ERBB4: variants seen among roughly 807,000 people sequenced by gnomAD.
The protein encoded by ERBB4 is erb-b2 receptor tyrosine kinase 4, also known as receptor tyrosine-protein kinase erbB-4.
In ERBB4, 42 loss-of-function variants were observed where a neutral mutation model predicts 158.0. The observed-to-expected ratio is 0.27, with a 90% confidence interval of 0.21 to 0.34. The LOEUF is 0.34. Among genes scored for constraint, ERBB4 ranks in the 10% least tolerant of loss-of-function variants. ERBB4 has a pLI of 1.00. For missense variants in ERBB4, 1,333 were observed against 1,624.1 expected, an observed-to-expected ratio of 0.82 and a Z score of 3.08; for synonymous variants, 583 against 558.7, an observed-to-expected ratio of 1.04 and a Z score of -0.61.
chr2:211,937,656 G>T (rs2125112994), intron 3 of ERBB4, among the ~76,000 whole-genome samples: 1 of 152,196 alleles, frequency 6.6e-6, no homozygotes, highest in East Asian at 1.9e-4. Context: ...GAAGGAGAAT[G>T]AATGAGTGCC....
chr2:211,904,212 C>A (rs78889429), intron 3 of ERBB4, among the ~76,000 whole-genome samples: 1 of 152,104 alleles, frequency 6.6e-6, no homozygotes, highest in Admixed American at 6.6e-5. Context: ...CACACATTCA[C>A]ACATAAACAT....
intron 2 of ERBB4, among the ~76,000 whole-genome samples, chr2:211,984,380 AAG>A (rs576497249): frequency 2.0e-5 from 3 of 152,216 alleles, no homozygotes; most frequent in African/African-American, 4.8e-5. Context: ...AAAATGAAAA[AAG>A]TATCTTTATA....
intron 2 of ERBB4, among the ~76,000 whole-genome samples, chr2:211,949,496 ATAAAT>A (rs765179795): frequency 1.3e-5 from 2 of 152,202 alleles, no homozygotes; most frequent in South Asian, 4.1e-4. Flanking sequence ...AACATTTGAG[ATAAAT>A]TAAGTTAAAT....
chr2:211,837,712 A>G (rs2077372499), intron 3 of ERBB4, among the ~76,000 whole-genome samples: 1 of 152,084 alleles, frequency 6.6e-6, no homozygotes, highest in African/African-American at 2.4e-5. Context: ...TTGTGTGTGA[A>G]TAAAAAATAC....
chr2:211,940,486 T>C (rs1482310500), intron 3 of ERBB4, among the ~76,000 whole-genome samples: 3 of 152,066 alleles, frequency 2.0e-5, no homozygotes, highest in African/African-American at 7.3e-5. Flanking sequence ...TACTGTATCT[T>C]AAGAAAAAGT....
At chr2:212,508,061 A>G (rs529878240) in intron 1 of ERBB4, among the ~76,000 whole-genome samples, 14 of 152,196 alleles carry the variant, frequency 9.2e-5, no homozygotes, top group Admixed American at 4.6e-4. Context: ...TCAACAGCCA[A>G]GCAAGACCCT....
chr2:211,703,177 T>G (rs1011057367), intron 11 of ERBB4, among the ~76,000 whole-genome samples: 1 of 152,022 alleles, frequency 6.6e-6, no homozygotes, highest in Non-Finnish European at 1.5e-5. Flanking sequence ...ATGTAACTCT[T>G]TCTCTCAAAT....
intron 1 of ERBB4, among the ~76,000 whole-genome samples, chr2:212,467,035 T>G (rs1482859376): frequency 6.6e-6 from 1 of 152,160 alleles, no homozygotes; most frequent in Non-Finnish European, 1.5e-5. Flanking sequence ...TTGTGGAACT[T>G]TGAACTTGAG....
chr2:211,984,978 C>G (rs1484207529), intron 2 of ERBB4, among the ~76,000 whole-genome samples: 1 of 152,066 alleles, frequency 6.6e-6, no homozygotes, highest in African/African-American at 2.4e-5. Context: ...GTGATCCACC[C>G]ACCTCGGCCC....
At chr2:211,951,601 T>C (rs2080877911) in intron 2 of ERBB4, among the ~76,000 whole-genome samples, 1 of 152,134 alleles carries the variant, frequency 6.6e-6, no homozygotes, top group Non-Finnish European at 1.5e-5. Context: ...CATTTCAGGG[T>C]GTGTATTACA....
intron 1 of ERBB4, among the ~76,000 whole-genome samples, chr2:212,129,232 A>G (rs1005191063): frequency 6.6e-6 from 1 of 151,620 alleles, no homozygotes; most frequent in African/African-American, 2.4e-5. Flanking sequence ...TCATACTTTA[A>G]TATTAATATA....
intron 3 of ERBB4, among the ~76,000 whole-genome samples, chr2:211,794,482 C>G (rs1339138838): frequency 6.6e-6 from 1 of 151,844 alleles, no homozygotes; most frequent in Non-Finnish European, 1.5e-5. Flanking sequence ...AAGTGTCAAG[C>G]ACATAGTAGA....
At position 212,124,966 on chromosome 2, in the gene ERBB4, T is replaced by C. The variant is rs529632057; in HGVS notation, c.83-63A>G. 1.0e-5 allele frequency: 16 copies of C among 1,569,286 alleles called. No homozygotes were observed. In the East Asian group the frequency reaches 2.7e-4, roughly 26 times the overall value. On this transcript the variant is annotated intron_variant, in intron 1 of 27. Coordinates refer to ENST00000342788, the MANE Select transcript of ERBB4 (RefSeq NM_005235.3). ...CTTTATATGATATGCGCAATGATAA[T>C]ATCTTTCTCAAAACTCTCTATTCCA... is the stretch of plus-strand genomic sequence containing the variant.
chr2:212,237,935 G>A (rs2083939872), intron 1 of ERBB4, among the ~76,000 whole-genome samples: 1 of 152,148 alleles, frequency 6.6e-6, no homozygotes, highest in African/African-American at 2.4e-5. Flanking sequence ...CCCCAACAAA[G>A]CTCAAGTGTC....
At chr2:212,292,432 T>C (rs2086240750) in intron 1 of ERBB4, among the ~76,000 whole-genome samples, 1 of 152,156 alleles carries the variant, frequency 6.6e-6, no homozygotes, top group Middle Eastern at 3.4e-3. Context: ...GCTCCACTTC[T>C]ACCAATTTCC....
At chr2:211,736,939 T>C (rs750309514) in intron 5 of ERBB4, among the ~76,000 whole-genome samples, 15 of 152,168 alleles carry the variant, frequency 9.9e-5, no homozygotes, top group Non-Finnish European at 2.2e-4. Context: ...TTATAATCTC[T>C]CTGCTCAGGA....
At chr2:212,502,617 T>C (rs999182350) in intron 1 of ERBB4, among the ~76,000 whole-genome samples, 1 of 152,142 alleles carries the variant, frequency 6.6e-6, no homozygotes, top group Non-Finnish European at 1.5e-5. Flanking sequence ...CAAACCCAAT[T>C]CTAAGCACAC....
chr2:211,426,035 A>G (rs1387068582), intron 22 of ERBB4, among the ~76,000 whole-genome samples: 1 of 152,164 alleles, frequency 6.6e-6, no homozygotes, highest in Non-Finnish European at 1.5e-5. Flanking sequence ...GGTAGTTATA[A>G]AAGATAGAGT....
In ERBB4 at chr2:211,758,079, G is replaced by A. The variant is rs577991728; in HGVS notation, c.557-7375C>T. 5.3e-5 allele frequency among the ~76,000 whole-genome samples: 8 copies of A among 152,208 alleles called. No individual in the cohort carries two copies. In the South Asian group the frequency reaches 1.0e-3, roughly 20 times the overall value. On this transcript the variant is annotated intron_variant, in intron 4 of 27. Coordinates refer to ENST00000342788, the MANE Select transcript of ERBB4 (RefSeq NM_005235.3). ...TAATCCATTTAGATCTAAGATTGTCGATTATCACTTACACGTACAAGCTCA... is the reference window on the plus strand; with the variant it reads ...TAATCCATTTAGATCTAAGATTGTCAATTATCACTTACACGTACAAGCTCA...
Sources: allele counts gnomAD v4.1 joint callset (sites outside exome capture counted in the v4.1 genomes callset), GRCh38; gene constraint gnomAD v4.1.1; transcripts MANE v1.5; gene names NCBI Gene and HGNC (gene_info 2026-07-23, HGNC 2026-07-21).